Variants in ZNF438 observed in about 807,000 individuals in gnomAD.
The protein encoded by ZNF438 is zinc finger protein 438.
A neutral mutation model predicts 38.0 loss-of-function variants in ZNF438; 25 were observed. That is an observed-to-expected ratio of 0.66 (90% confidence interval 0.48 to 0.92). The LOEUF is 0.92. Ranked by LOEUF, ZNF438 falls within the 40% of genes least tolerant of loss-of-function variation. ZNF438 has a pLI of 0.00. For missense variants in ZNF438, 1,007 were observed against 999.6 expected (o/e 1.01, Z -0.10); for synonymous variants, 372 against 364.1 (o/e 1.02, Z -0.25).
At chr10:30,933,521 G>A (rs1342829202) in intron 2 of ZNF438, among the ~76,000 whole-genome samples, 2 of 152,198 alleles carry the variant, frequency 1.3e-5, no homozygotes, top group African/African-American at 4.8e-5. Context: ...AGGAGGCTGA[G>A]GTGGGAGGGT....
chr10:31,024,316 A>T (rs1381365710), intron 1 of ZNF438, among the ~76,000 whole-genome samples: 1 of 150,690 alleles, frequency 6.6e-6, no homozygotes, highest in African/African-American at 2.4e-5. Context: ...GATAACAATA[A>T]CTGGTAACTT....
intron 1 of ZNF438, among the ~76,000 whole-genome samples, chr10:31,008,114 A>T (rs2133008965): frequency 6.6e-6 from 1 of 152,350 alleles, no homozygotes; most frequent in Middle Eastern, 3.4e-3. Context: ...AGCCTTATAA[A>T]GTTGAGTCAT....
chr10:31,006,756 T>G (rs3011599), intron 1 of ZNF438, among the ~76,000 whole-genome samples: 65,561 of 114,100 alleles, frequency 0.57, 19,147 homozygotes, highest in African/African-American at 0.84. Context: ...CTGCAAAATG[T>G]CTTGGTGTGG....
chr10:30,900,239 A>G (rs2041826330), intron 3 of ZNF438, among the ~76,000 whole-genome samples: 1 of 152,166 alleles, frequency 6.6e-6, no homozygotes, highest in Admixed American at 6.5e-5. Flanking sequence ...TTTTTCAACA[A>G]TTTAGAAATA....
At chr10:30,853,823 C>T (rs1039319996) in intron 4 of ZNF438, among the ~76,000 whole-genome samples, 8 of 151,800 alleles carry the variant, frequency 5.3e-5, no homozygotes, top group African/African-American at 1.7e-4. Context: ...ATGGTGAAAC[C>T]GTTTCTACTA....
chr10:30,906,005 A>C (rs929828329), intron 3 of ZNF438, among the ~76,000 whole-genome samples: 3 of 152,128 alleles, frequency 2.0e-5, no homozygotes, highest in Non-Finnish European at 4.4e-5. Flanking sequence ...GGAGTTTTCA[A>C]ACTTTGCTTT....
chr10:30,894,301 TG>T (rs1217271638), intron 3 of ZNF438, among the ~76,000 whole-genome samples: 1 of 152,210 alleles, frequency 6.6e-6, no homozygotes, highest in African/African-American at 2.4e-5. Flanking sequence ...TTCGGGTGTT[TG>T]GAGGACTAGA....
exon 6 of ZNF438, chr10:30,845,226 A>G (rs199764731): frequency 1.2e-6 from 2 of 1,613,944 alleles, no homozygotes; most frequent in Non-Finnish European, 1.7e-6. Flanking sequence ...TTCATTTTCC[A>G]TGAGCATTTC....
intron 1 of ZNF438, among the ~76,000 whole-genome samples, chr10:31,029,525 C>T (rs2057148840): frequency 1.3e-5 from 2 of 152,132 alleles, no homozygotes; most frequent in African/African-American, 2.4e-5. Context: ...ACCTTCAAAA[C>T]GTATCACCAA....
chr10:30,853,397 A>C (rs1378475524), intron 4 of ZNF438, among the ~76,000 whole-genome samples: 1 of 152,210 alleles, frequency 6.6e-6, no homozygotes, highest in East Asian at 1.9e-4. Flanking sequence ...ATGCTTAAAA[A>C]GGTTCTCAGG....
chr10:30,924,252 T>C (rs1024196300), intron 2 of ZNF438, among the ~76,000 whole-genome samples: 1 of 152,170 alleles, frequency 6.6e-6, no homozygotes, highest in Non-Finnish European at 1.5e-5. Context: ...CGATGAATGT[T>C]GCCAAGGAAG....
intron 4 of ZNF438, among the ~76,000 whole-genome samples, chr10:30,867,862 G>T (rs2036719977): frequency 6.6e-6 from 1 of 151,974 alleles, no homozygotes; most frequent in Non-Finnish European, 1.5e-5. Flanking sequence ...AATATCACTA[G>T]CTGTCAACAT....
chr10:30,871,448 G>A (rs991055375), intron 4 of ZNF438, among the ~76,000 whole-genome samples: 1 of 152,072 alleles, frequency 6.6e-6, no homozygotes, highest in Non-Finnish European at 1.5e-5. Flanking sequence ...TACATGCCAG[G>A]ACGCTTTAAA....
chr10:31,030,923 G>C (rs1291511102), intron 1 of ZNF438, among the ~76,000 whole-genome samples: 1 of 152,248 alleles, frequency 6.6e-6, no homozygotes, highest in Non-Finnish European at 1.5e-5. Flanking sequence ...CAGTGAGTCT[G>C]TGTTGTCTAT....
chr10:30,879,442 CATA>C (rs1223416428), intron 3 of ZNF438, among the ~76,000 whole-genome samples: 4 of 152,184 alleles, frequency 2.6e-5, no homozygotes, highest in African/African-American at 7.2e-5. Context: ...AAGTAAAATT[CATA>C]ATGACTGACA....
chr10:30,930,823 A>AAAAAAAAAAAAAAAAAAAAAAAAAAG (rs2045591386), intron 2 of ZNF438, among the ~76,000 whole-genome samples: 1 of 116,870 alleles, frequency 8.6e-6, no homozygotes, highest in Non-Finnish European at 1.8e-5. Context: ...AAAAAAAAAA[A>AAAAAAAAAAAAAAAAAAAAAAAAAAG]AAAAAAAAAA....
intron 5 of ZNF438, among the ~76,000 whole-genome samples, chr10:30,848,123 G>A (rs1175501332): frequency 1.3e-5 from 2 of 152,224 alleles, no homozygotes; most frequent in African/African-American, 2.4e-5. Flanking sequence ...GGGAAAAACA[G>A]GGCAAATGAA....
At position 30,845,009 on chromosome 10, in the gene ZNF438, C is replaced by G. The variant is rs150728330; in HGVS notation, c.2439G>C (p.Thr813=). 4.3e-6 allele frequency: 7 copies of G among 1,614,110 alleles called. No individual in the cohort carries two copies. In the South Asian group the frequency reaches 6.6e-5, roughly 15 times the overall value. ...GTTCGATCACTCCCTGGTTGGAGAC[C>G]GTATTTAAAATAGCCCACAGTTTGG... Residue 813 remains threonine (T), a synonymous_variant, in exon 6 of 6, where the codon ACG becomes ACC. Coordinates refer to ENST00000413025, the Ensembl canonical transcript of ZNF438.
chr10:31,005,079 A>G (rs2054996092), intron 1 of ZNF438, among the ~76,000 whole-genome samples: 1 of 152,188 alleles, frequency 6.6e-6, no homozygotes, highest in African/African-American at 2.4e-5. Flanking sequence ...AAATACAACT[A>G]CCATATGACT....
Sources: gnomAD v4.1 joint callset for allele counts (sites outside exome capture counted in the v4.1 genomes callset) on GRCh38, gnomAD v4.1.1 for gene constraint, MANE v1.5 for transcripts, NCBI Gene and HGNC (gene_info 2026-07-23, HGNC 2026-07-21) for gene names.